DPYD: variants seen among roughly 807,000 people sequenced by gnomAD.
The protein encoded by DPYD is dihydropyrimidine dehydrogenase.
A neutral mutation model predicts 116.2 loss-of-function variants in DPYD; 109 were observed. The observed-to-expected ratio is 0.94, with a 90% CI of 0.80 to 1.10. The LOEUF is 1.10. Among genes scored for constraint, DPYD ranks in the 50% least tolerant of loss-of-function variants. The probability of loss-of-function intolerance (pLI) is 0.00; values close to 1 mark genes in which losing one functional copy is unlikely to be tolerated. For missense variants in DPYD, 1,302 were observed against 1,254.5 expected (o/e 1.04, Z -0.57); for synonymous variants, 440 against 432.0 (o/e 1.02, Z -0.23).
At chr1:97,530,035 T>C (rs1023432629) in intron 12 of DPYD, among the ~76,000 whole-genome samples, 6 of 151,880 alleles carry the variant, frequency 4.0e-5, no homozygotes, top group African/African-American at 1.4e-4. Flanking sequence ...TTCTATACAT[T>C]TGACTACCTT....
intron 8 of DPYD, among the ~76,000 whole-genome samples, chr1:97,597,093 A>G (rs1654939017): frequency 6.6e-6 from 1 of 152,192 alleles, no homozygotes; most frequent in African/African-American, 2.4e-5. Context: ...AAATAGCTGA[A>G]TATGTTCTTG....
intron 8 of DPYD, among the ~76,000 whole-genome samples, chr1:97,664,292 G>A (rs1206494594): frequency 6.6e-6 from 1 of 151,836 alleles, no homozygotes; most frequent in Non-Finnish European, 1.5e-5. Context: ...AAGGTCATGA[G>A]GGCATATATA....
chr1:97,741,663 G>T (rs1189799320), intron 3 of DPYD, among the ~76,000 whole-genome samples: 1 of 151,936 alleles, frequency 6.6e-6, no homozygotes, highest in Non-Finnish European at 1.5e-5. Context: ...CCATTACATA[G>T]CAGACCCTGG....
intron 6 of DPYD, among the ~76,000 whole-genome samples, chr1:97,698,816 TAA>T (rs1323816440): frequency 2.6e-5 from 4 of 151,944 alleles, no homozygotes; most frequent in Non-Finnish European, 5.9e-5. Flanking sequence ...TTTCCATGTA[TAA>T]ATTTTCATGG....
chr1:97,137,502 T>G (rs541480880), intron 20 of DPYD, among the ~76,000 whole-genome samples: 2 of 152,330 alleles, frequency 1.3e-5, no homozygotes, highest in South Asian at 4.1e-4. Context: ...CTTAATAAAA[T>G]AACTTTCCAT....
In DPYD at chr1:97,681,657, T is replaced by C. The variant is rs1472639199; in HGVS notation, c.763-2475A>G. 5.3e-5 allele frequency among the ~76,000 whole-genome samples: 8 copies of C among 152,164 alleles called. No individual in the cohort carries two copies. The East Asian group carries it at 1.2e-3, about 22-fold the overall frequency. ...GTAGAATTCGATGCTATTAAAATCA[T>C]CTAATAGTGAGGCTTTAGAACTTTA... On this transcript the variant is annotated intron_variant, in intron 7 of 22. Coordinates refer to ENST00000370192, the MANE Select transcript of DPYD (RefSeq NM_000110.4).
chr1:97,629,189 G>A (rs1258832033), intron 8 of DPYD, among the ~76,000 whole-genome samples: 2 of 151,878 alleles, frequency 1.3e-5, no homozygotes, highest in African/African-American at 2.4e-5. Flanking sequence ...AATGGCATGC[G>A]GATTCTGATG....
At chr1:97,310,750 A>G (rs1334667674) in intron 16 of DPYD, among the ~76,000 whole-genome samples, 1 of 151,798 alleles carries the variant, frequency 6.6e-6, no homozygotes, top group Non-Finnish European at 1.5e-5. Flanking sequence ...ACTCTTAATT[A>G]TATATACAAG....
chr1:97,637,809 A>G (rs1274723317), intron 8 of DPYD, among the ~76,000 whole-genome samples: 1 of 152,142 alleles, frequency 6.6e-6, no homozygotes, highest in African/African-American at 2.4e-5. Flanking sequence ...AAAATATTTC[A>G]GGAAAATACT....
chr1:97,098,458 G>A, intron 21 of DPYD, 31 bp downstream of exon 21: 1 of 1,602,518 alleles, frequency 6.2e-7, no homozygotes, highest in South Asian at 1.1e-5. Flanking sequence ...CAGTAAAGTA[G>A]GCATACTTAT....
chr1:97,685,063 T>C (rs560246149), intron 7 of DPYD, among the ~76,000 whole-genome samples: 1 of 152,304 alleles, frequency 6.6e-6, no homozygotes, highest in African/African-American at 2.4e-5. Context: ...TTCAGGCCAA[T>C]ATCCCTGATG....
chr1:97,426,610 G>A (rs985307282), intron 14 of DPYD, among the ~76,000 whole-genome samples: 5 of 152,058 alleles, frequency 3.3e-5, no homozygotes, highest in Non-Finnish European at 5.9e-5. Flanking sequence ...AAAAATAGAG[G>A]AGTGGCTCTA....
At chr1:97,541,483 G>A (rs1261745209) in intron 12 of DPYD, among the ~76,000 whole-genome samples, 5 of 152,076 alleles carry the variant, frequency 3.3e-5, no homozygotes, top group Admixed American at 6.6e-5. Flanking sequence ...GAAAATGGTA[G>A]ACAATATGTT....
chr1:97,564,314 T>C (rs1159816187), intron 11 of DPYD, among the ~76,000 whole-genome samples: 1 of 152,152 alleles, frequency 6.6e-6, no homozygotes, highest in Non-Finnish European at 1.5e-5. Context: ...TAACAAAAGC[T>C]GACCTTTTTT....
At chr1:97,707,236 A>G (rs1375602976) in intron 5 of DPYD, among the ~76,000 whole-genome samples, 1 of 152,084 alleles carries the variant, frequency 6.6e-6, no homozygotes, top group Non-Finnish European at 1.5e-5. Flanking sequence ...CCCCTGTCAC[A>G]TGTAAGACAG....
intron 18 of DPYD, among the ~76,000 whole-genome samples, chr1:97,302,198 T>C (rs1169308353): frequency 2.0e-5 from 3 of 151,972 alleles, no homozygotes; most frequent in Non-Finnish European, 4.4e-5. Context: ...ATCTATACTG[T>C]CCAAAGAAAG....
At chr1:97,651,478 T>C (rs1003495867) in intron 8 of DPYD, among the ~76,000 whole-genome samples, 1 of 152,100 alleles carries the variant, frequency 6.6e-6, no homozygotes, top group Non-Finnish European at 1.5e-5. Flanking sequence ...TTGCAGATGT[T>C]TTCACCCGCT....
At chr1:97,129,041 T>C (rs1653066838) in intron 20 of DPYD, among the ~76,000 whole-genome samples, 1 of 151,722 alleles carries the variant, frequency 6.6e-6, no homozygotes, top group Non-Finnish European at 1.5e-5. Flanking sequence ...AACATGCAAA[T>C]ACTCATTCTA....
At chr1:97,551,849 G>A (rs994763411) in intron 11 of DPYD, among the ~76,000 whole-genome samples, 27 of 152,078 alleles carry the variant, frequency 1.8e-4, no homozygotes, top group African/African-American at 6.0e-4. Context: ...TGTACTGAAC[G>A]TGTACATACT....
Sources: gnomAD v4.1 joint callset for allele counts (sites outside exome capture counted in the v4.1 genomes callset) on GRCh38, gnomAD v4.1.1 for gene constraint, MANE v1.5 for transcripts, NCBI Gene and HGNC (gene_info 2026-07-23, HGNC 2026-07-21) for gene names.